GSG1L: variants seen among roughly 807,000 people sequenced by gnomAD.
GSG1L encodes germ cell-specific gene 1-like protein.
A neutral mutation model predicts 42.1 loss-of-function variants in GSG1L; 24 were observed. That is an observed-to-expected ratio of 0.57 (90% confidence interval 0.41 to 0.80). The LOEUF (loss-of-function observed/expected upper bound fraction) is 0.80. GSG1L is among the 30% of genes least tolerant of loss of function. The pLI is 0.00. For synonymous variants in GSG1L, 215 were observed against 203.5 expected, an observed-to-expected ratio of 1.06 and a Z score of -0.48; for missense variants, 445 against 472.2, an observed-to-expected ratio of 0.94 and a Z score of 0.53.
chr16:27,882,976 CG>C (rs1424815838), intron 3 of GSG1L, among the ~76,000 whole-genome samples: 1 of 151,434 alleles, frequency 6.6e-6, no homozygotes, highest in Non-Finnish European at 1.5e-5. Context: ...TGGTCGTGGT[CG>C]GGGGGATGGG....
chr16:27,849,582 A>G (rs1324097440), intron 3 of GSG1L, among the ~76,000 whole-genome samples: 1 of 152,154 alleles, frequency 6.6e-6, no homozygotes, highest in Non-Finnish European at 1.5e-5. Context: ...CTGTCATCCA[A>G]GCAGTAGTGC....
intron 1 of GSG1L, among the ~76,000 whole-genome samples, chr16:28,034,997 C>T (rs2086015636): frequency 6.6e-6 from 1 of 152,142 alleles, no homozygotes; most frequent in African/African-American, 2.4e-5. Context: ...CATGTACTCA[C>T]TAATTGCAGC....
intron 1 of GSG1L, among the ~76,000 whole-genome samples, chr16:28,026,782 CAA>C (rs1201191135): frequency 6.6e-6 from 1 of 152,170 alleles, no homozygotes; most frequent in Non-Finnish European, 1.5e-5. Context: ...CGACCAAATT[CAA>C]AGTCATCAAG....
At chr16:28,026,023 T>A (rs1392533590) in intron 1 of GSG1L, among the ~76,000 whole-genome samples, 1 of 152,232 alleles carries the variant, frequency 6.6e-6, no homozygotes. Context: ...GGGTCATTTT[T>A]AAAGAAATTC....
intron 1 of GSG1L, among the ~76,000 whole-genome samples, chr16:28,020,349 CA>C (rs1229802758): frequency 1.3e-5 from 2 of 152,192 alleles, no homozygotes; most frequent in Non-Finnish European, 2.9e-5. Context: ...AACCAATCTA[CA>C]TTTGCAAAAT....
At chr16:27,883,373 G>A (rs1025695522) in intron 3 of GSG1L, among the ~76,000 whole-genome samples, 3 of 152,080 alleles carry the variant, frequency 2.0e-5, no homozygotes, top group African/African-American at 7.2e-5. Context: ...ATCCCACATT[G>A]TCTGTGTGTT....
chr16:27,893,257 T>G (rs750807660), intron 2 of GSG1L, among the ~76,000 whole-genome samples: 46 of 152,296 alleles, frequency 3.0e-4, no homozygotes, highest in Non-Finnish European at 5.7e-4. Context: ...ACTCTGACCC[T>G]TCATTGCTGG....
At chr16:27,805,946 T>C (rs4564571) in intron 6 of GSG1L, among the ~76,000 whole-genome samples, 62,147 of 151,288 alleles carry the variant, frequency 0.41, 13,004 homozygotes, top group African/African-American at 0.48. Context: ...GGCCTCTTTC[T>C]ACCCAGGATT....
At chr16:27,967,707 G>A (rs906410454) in intron 1 of GSG1L, among the ~76,000 whole-genome samples, 5 of 152,224 alleles carry the variant, frequency 3.3e-5, no homozygotes, top group Admixed American at 1.3e-4. Context: ...GAGCCCAGGA[G>A]TTCGAGACCA....
Position 27,986,935 on chromosome 16 carries a change from G to C in GSG1L, c.350-23732C>G, listed in dbSNP as rs532192263. On this transcript the variant is annotated intron_variant, in intron 1 of 6. Transcript: ENST00000447459. Reference sequence around the variant, plus strand: ...ACCATCTAAAATGAAATTGGTCTCAGTTCAGGCACAGTGGCTCACGCCTGT... The same window carrying C: ...ACCATCTAAAATGAAATTGGTCTCACTTCAGGCACAGTGGCTCACGCCTGT... Among the ~76,000 whole-genome samples, 38 of 152,390 alleles carry C rather than the reference G, an allele frequency of 2.5e-4. No individual in the cohort carries two copies. In the South Asian group the frequency reaches 7.9e-3, roughly 32 times the overall value.
chr16:27,791,797 T>G (rs1013884243), intron 6 of GSG1L, among the ~76,000 whole-genome samples: 1 of 151,956 alleles, frequency 6.6e-6, no homozygotes, highest in African/African-American at 2.4e-5. Context: ...AACCCGCTCA[T>G]GCACCTCACA....
intron 1 of GSG1L, among the ~76,000 whole-genome samples, chr16:28,056,173 G>T (rs563756019): frequency 6.6e-6 from 1 of 152,158 alleles, no homozygotes; most frequent in East Asian, 1.9e-4. Context: ...ATGCACAGGC[G>T]TGTTTATTGC....
chr16:28,023,888 G>C (rs977735212), intron 1 of GSG1L, among the ~76,000 whole-genome samples: 3 of 152,076 alleles, frequency 2.0e-5, no homozygotes, highest in African/African-American at 7.2e-5. Context: ...AAATTAGCCA[G>C]GTGTGGGGGT....
chr16:27,850,174 G>A (rs1596554759), intron 3 of GSG1L, among the ~76,000 whole-genome samples: 1 of 151,688 alleles, frequency 6.6e-6, no homozygotes, highest in East Asian at 1.9e-4. Flanking sequence ...GATTACAGGT[G>A]CCACCACTAC....
At chr16:27,875,168 C>T (rs987000850) in intron 3 of GSG1L, among the ~76,000 whole-genome samples, 7 of 152,298 alleles carry the variant, frequency 4.6e-5, no homozygotes, top group East Asian at 1.9e-4. Flanking sequence ...TTGCTTTCTT[C>T]GGTGGAGAAG....
intron 1 of GSG1L, among the ~76,000 whole-genome samples, chr16:28,009,068 C>G (rs752459090): frequency 6.6e-6 from 1 of 152,144 alleles, no homozygotes; most frequent in East Asian, 1.9e-4. Flanking sequence ...CTTGGCCTCC[C>G]GAAGTACTGG....
chr16:28,061,759 C>A (rs2086344371), intron 1 of GSG1L, among the ~76,000 whole-genome samples: 2 of 152,134 alleles, frequency 1.3e-5, no homozygotes, highest in African/African-American at 4.8e-5. Flanking sequence ...AAGATGGAGA[C>A]CCTCCCTCCA....
At chr16:28,018,680 AC>A (rs2085806455) in intron 1 of GSG1L, among the ~76,000 whole-genome samples, 1 of 152,018 alleles carries the variant, frequency 6.6e-6, no homozygotes, top group Admixed American at 6.6e-5. Context: ...CCACAATGCC[AC>A]CTTCCCCCCA....
At chr16:27,942,812 TG>T (rs2084816271) in intron 2 of GSG1L, among the ~76,000 whole-genome samples, 1 of 152,128 alleles carries the variant, frequency 6.6e-6, no homozygotes, top group Non-Finnish European at 1.5e-5. Context: ...AGCCCACTAG[TG>T]GGGGTGTAAA....
Sources: gnomAD v4.1 joint callset for allele counts (sites outside exome capture counted in the v4.1 genomes callset) on GRCh38, gnomAD v4.1.1 for gene constraint, MANE v1.5 for transcripts, NCBI Gene and HGNC (gene_info 2026-07-23, HGNC 2026-07-21) for gene names.